Variants in NHLH2 observed in about 807,000 individuals in gnomAD.
The protein encoded by NHLH2 is helix-loop-helix protein 2.
In NHLH2, 7 loss-of-function variants were observed where a neutral mutation model predicts 7.3. The ratio of observed to expected loss-of-function variants is 0.96; its 90% CI spans 0.55 to 1.81. The LOEUF (loss-of-function observed/expected upper bound fraction) is 1.81, where lower values mean the gene tolerates loss of function less well. NHLH2 is among the 40% of genes most tolerant of loss of function. The probability of loss-of-function intolerance (pLI) is 0.00; values close to 1 mark genes in which losing one functional copy is unlikely to be tolerated. For missense variants in NHLH2, 155 were observed against 194.0 expected (o/e 0.80, Z 1.19); for synonymous variants, 93 against 91.6 (o/e 1.01, Z -0.09).
downstream of NHLH2, among the ~76,000 whole-genome samples, chr1:115,833,594 G>A (rs151193219): frequency 2.6e-4 from 39 of 152,292 alleles, 1 homozygote; most frequent in East Asian, 7.0e-3. Context: ...ATGGCCCTAA[G>A]CAAGTCATCT....
intron 2 of NHLH2, chr1:115,839,731 A>C (rs1472438302): frequency 4.8e-5 from 8 of 166,778 alleles, no homozygotes; most frequent in Admixed American, 3.3e-4. Context: ...CGCGTCGGCG[A>C]CGTATAGGAG....
chr1:115,839,989 C>G, intron 2 of NHLH2: 1 of 166,974 alleles, frequency 6.0e-6, no homozygotes, highest in African/African-American at 2.4e-5. Context: ...AATAAATAGA[C>G]GAGTAATGGA....
At chr1:115,835,672 CAG>C (rs908617243), downstream of NHLH2, among the ~76,000 whole-genome samples, 5 of 152,256 alleles carry the variant, frequency 3.3e-5, no homozygotes, top group Admixed American at 6.5e-5. Flanking sequence ...ACTCTGAAAC[CAG>C]AGATTTGGTG....
rs1217912838 is a variant in NHLH2, at chr1:115,837,668, T to C, written c.*297A>G. ...CTCCAGTGGGTTAAAACCACAACCC[T>C]TGGGGAGCCCCAGAAGTGGCTCATC... On this transcript the variant is annotated 3_prime_UTR_variant, in exon 3 of 3. Transcript: ENST00000320238. The C allele has an allele frequency of 4.8e-6, 2 of 414,062 alleles. No individual in the cohort carries two copies. The highest frequency in any genetic ancestry group is 8.6e-6 in the Non-Finnish European group (2 of 232,556). The allele number at this position is 414,062 out of a possible 1,614,324, so 25.6% of individuals were successfully genotyped here. A position where few individuals can be genotyped will look rare whatever the true frequency, so the allele number is the denominator to read the frequency against.
In NHLH2 at chr1:115,836,671, T is replaced by C. The variant is rs1650878797; in HGVS notation, c.*1294A>G. 6.6e-6 allele frequency: 1 copy of C among 152,500 alleles called. No homozygotes were observed. Among genetic ancestry groups the C allele is most frequent in the African/African-American group, 2.4e-5 (1 of 41,404 alleles). The allele number at this position is 152,500 out of a possible 1,614,324, so 9.4% of individuals were successfully genotyped here. Reference sequence around the variant, plus strand: ...TGTCACAGAGGAAAGTAGTTCTGAATTCTTTTTTTCTTTTTTTTTTAGGAA... The same window carrying C: ...TGTCACAGAGGAAAGTAGTTCTGAACTCTTTTTTTCTTTTTTTTTTAGGAA... On this transcript the variant is annotated 3_prime_UTR_variant, in exon 3 of 3. Coordinates refer to ENST00000320238, the MANE Select transcript of NHLH2 (RefSeq NM_005599.3).
chr1:115,838,046 C>T lies in NHLH2; in HGVS notation c.327G>A (p.Pro109=), dbSNP rs758822439. 3 of 1,609,852 alleles carry T rather than the reference C, an allele frequency of 1.9e-6. No homozygotes were observed. Among genetic ancestry groups the T allele is most frequent in the African/African-American group, 1.4e-5 (1 of 73,970 alleles). ...ELRKLLPTLP[P]DKKLSKIEIL... ...TCTCGATCTTGGAGAGCTTCTTGTC[C>T]GGGGGCAGCGTGGGCAGCAATTTGC... The change falls in exon 3 of 3, where the codon CCG becomes CCA. Residue 109 remains proline (P), a synonymous_variant. Coordinates refer to ENST00000320238, the MANE Select transcript of NHLH2 (RefSeq NM_005599.3).
downstream of NHLH2, among the ~76,000 whole-genome samples, chr1:115,836,177 T>A (rs1227450073): frequency 6.6e-6 from 1 of 152,198 alleles, no homozygotes; most frequent in Non-Finnish European, 1.5e-5. Context: ...TATGTCACCA[T>A]CATATGTAGG....
downstream of NHLH2, among the ~76,000 whole-genome samples, chr1:115,834,188 C>G (rs909737963): frequency 6.6e-6 from 1 of 152,156 alleles, no homozygotes; most frequent in African/African-American, 2.4e-5. Flanking sequence ...TTGTTTTGCC[C>G]AATACTTTTA....
At chr1:115,840,921 C>G (rs1047332326) in intron 1 of NHLH2, 27 bp downstream of exon 1, 8 of 167,512 alleles carry the variant, frequency 4.8e-5, no homozygotes, top group African/African-American at 1.9e-4. Context: ...GGCTATATCC[C>G]CCGTCCCCAG....
Position 115,837,757 on chromosome 1 carries a change from A to C in NHLH2, c.*208T>G. On this transcript the variant is annotated 3_prime_UTR_variant, in exon 3 of 3. Coordinates refer to ENST00000320238, the MANE Select transcript of NHLH2 (RefSeq NM_005599.3). ...CCCCCTGCGAGCCCCCGGGCTCGCCAGACAACCCCACCTGCCTGCGTCGGA... is the reference window on the plus strand; with the variant it reads ...CCCCCTGCGAGCCCCCGGGCTCGCCCGACAACCCCACCTGCCTGCGTCGGA... The C allele has an allele frequency of 1.8e-6, 1 of 570,216 alleles. No individual in the cohort carries two copies. 35.3% of individuals were successfully genotyped at this position (570,216 alleles called of 1,614,324 possible). A position where few individuals can be genotyped will look rare whatever the true frequency, so the allele number is the denominator to read the frequency against.
At position 115,840,434 on chromosome 1, in the gene NHLH2, T is replaced by TA. The variant is rs1368086315; in HGVS notation, c.-228dup. 6.0e-6 allele frequency: 1 copy of TA among 166,948 alleles called. No individual in the cohort carries two copies. The highest frequency in any genetic ancestry group is 1.5e-5 in the Non-Finnish European group (1 of 68,122). The allele number at this position is 166,948 out of a possible 1,614,324, so 10.3% of individuals were successfully genotyped here. On this transcript the variant is annotated 5_prime_UTR_variant, in exon 2 of 3. Coordinates refer to ENST00000320238, the MANE Select transcript of NHLH2 (RefSeq NM_005599.3). ...TTGTTCACTTAGTTGATAGATTTTT[T>TA]AAAAAACGCTTTTTCCTTTTAATTG...
rs1650873895 is a variant in NHLH2, at chr1:115,836,482, G to A, written c.*1483C>T. 1.3e-5 allele frequency: 2 copies of A among 152,466 alleles called. No homozygotes were observed. Among genetic ancestry groups the A allele is most frequent in the Non-Finnish European group, 2.9e-5 (2 of 67,992 alleles). 9.4% of individuals were successfully genotyped at this position (152,466 alleles called of 1,614,324 possible). On this transcript the variant is annotated 3_prime_UTR_variant, in exon 3 of 3. Coordinates refer to ENST00000320238, the MANE Select transcript of NHLH2 (RefSeq NM_005599.3). ...ATATCTATTTTCACTACAAAATATT[G>A]CATTATATAAAGCAACAGAGACACA...
downstream of NHLH2, among the ~76,000 whole-genome samples, chr1:115,835,564 G>A (rs1650847498): frequency 6.6e-6 from 1 of 152,206 alleles, no homozygotes; most frequent in African/African-American, 2.4e-5. Context: ...AGGTATCTGT[G>A]AAGCTGACAA....
Position 115,837,816 on chromosome 1 carries a change from A to G in NHLH2, c.*149T>C, listed in dbSNP as rs759178157. 3.6e-6 allele frequency: 3 copies of G among 828,046 alleles called. No individual in the cohort carries two copies. The highest frequency in any genetic ancestry group is 3.6e-6 in the Non-Finnish European group (2 of 559,812). The allele number at this position is 828,046 out of a possible 1,614,324, so 51.3% of individuals were successfully genotyped here. On this transcript the variant is annotated 3_prime_UTR_variant, in exon 3 of 3. Transcript: ENST00000320238. ...CTCGTCGCCCTGCTGACCAGAGAGAACAGGTAGCGAGCTTCTTCCCCGGCC... is the reference window on the plus strand; with the variant it reads ...CTCGTCGCCCTGCTGACCAGAGAGAGCAGGTAGCGAGCTTCTTCCCCGGCC...
chr1:115,838,252 C>A lies in NHLH2; in HGVS notation c.121G>T (p.Val41Leu). 2 of 1,581,186 alleles carry A rather than the reference C, an allele frequency of 1.3e-6. No homozygotes were observed. Among genetic ancestry groups the A allele is most frequent in the South Asian group, 2.3e-5 (2 of 87,214 alleles). Residue 41 changes from valine (V) to leucine (L), a missense_variant, in exon 3 of 3, where the codon GTG becomes TTG. Around this residue, in one of 2 missense-constraint regions of NHLH2, gnomAD observed 91 missense variants for 86.6 expected, o/e 1.05. Transcript: ENST00000320238. ...VLGSVSDLEP[V>L]EEAEGDGKGG... ...TTGCCGTCGCCCTCGGCCTCCTCCA[C>A]CGGCTCCAGGTCCGACACGCTGCCG... is the stretch of plus-strand genomic sequence containing the variant.
In NHLH2 at chr1:115,838,564, C is replaced by T. The variant is rs867320132; in HGVS notation, c.-8-184G>A. On this transcript the variant is annotated intron_variant, in intron 2 of 2. Coordinates refer to ENST00000320238, the MANE Select transcript of NHLH2 (RefSeq NM_005599.3). ...ATCTGGCCCGAGGGCGCGAGCCCTG[C>T]GCCTCGCCCTGGCGCGGGAGCCGGC... 15 of 556,366 alleles carry T rather than the reference C, an allele frequency of 2.7e-5. No homozygotes were observed. In the South Asian group the frequency reaches 4.3e-4, roughly 16 times the overall value. The allele number at this position is 556,366 out of a possible 1,614,324, so 34.5% of individuals were successfully genotyped here.
chr1:115,832,706 C>G (rs1332963433), downstream of NHLH2, among the ~76,000 whole-genome samples: 1 of 152,158 alleles, frequency 6.6e-6, no homozygotes, highest in East Asian at 1.9e-4. Context: ...ATGGGAGAAA[C>G]AGGTAAATTC....
Position 115,836,691 on chromosome 1 carries a change from T to A in NHLH2, c.*1274A>T, listed in dbSNP as rs536185183. 1.3e-5 allele frequency: 2 copies of A among 152,558 alleles called. No individual in the cohort carries two copies. The highest frequency in any genetic ancestry group is 2.9e-5 in the Non-Finnish European group (2 of 67,986). 9.5% of individuals were successfully genotyped at this position (152,558 alleles called of 1,614,324 possible). A position where few individuals can be genotyped will look rare whatever the true frequency, so the allele number is the denominator to read the frequency against. ...CTGAATTCTTTTTTTCTTTTTTTTT[T>A]AGGAAAATAACTTAATTTGCTAAAT... On this transcript the variant is annotated 3_prime_UTR_variant, in exon 3 of 3. Transcript: ENST00000320238.
chr1:115,837,905 T>G lies in NHLH2; in HGVS notation c.*60A>C, dbSNP rs977802476. On this transcript the variant is annotated 3_prime_UTR_variant, in exon 3 of 3. Transcript: ENST00000320238. ...TCCGCCACCCGAGCGACGGCGCCCG[T>G]CCGGATCCGTAGCGTTTCGCGGACG... is the stretch of plus-strand genomic sequence containing the variant. 115 of 1,541,652 alleles carry G rather than the reference T, an allele frequency of 7.5e-5. No individual in the cohort carries two copies. Among genetic ancestry groups the G allele is most frequent in the Middle Eastern group, 3.7e-4 (2 of 5,448 alleles).
Sources: gnomAD v4.1 joint callset for allele counts (sites outside exome capture counted in the v4.1 genomes callset) on GRCh38, gnomAD v4.1.1 for gene constraint, gnomAD v4.1.1 regional missense constraint, MANE v1.5 for transcripts, NCBI Gene and HGNC (gene_info 2026-07-23, HGNC 2026-07-21) for gene names.